FREM1: variants seen among roughly 807,000 people sequenced by gnomAD.
The protein encoded by FREM1 is FRAS1-related extracellular matrix protein 1.
FREM1 carries 220 observed loss-of-function variants against 210.1 expected under a neutral mutation model. That is an observed-to-expected ratio of 1.05 (90% CI 0.94 to 1.17). The LOEUF (loss-of-function observed/expected upper bound fraction) is 1.17, where lower values mean the gene tolerates loss of function less well. Among genes scored for constraint, FREM1 ranks in the 50% most tolerant of loss-of-function variants. The probability of loss-of-function intolerance (pLI) is 0.00; values close to 1 mark genes in which losing one functional copy is unlikely to be tolerated. For missense variants in FREM1, 3,454 were observed against 2,675.5 expected, an observed-to-expected ratio of 1.29 and a Z score of -6.42; for synonymous variants, 1,189 against 980.2, an observed-to-expected ratio of 1.21 and a Z score of -3.98.
chr9:14,859,086 A>T, intron 4 of FREM1, 97 bp downstream of exon 4: 1 of 784,786 alleles, frequency 1.3e-6, no homozygotes, highest in Non-Finnish European at 2.0e-6. Flanking sequence ...TAAAATGACT[A>T]GTTAACTAGA....
chr9:14,840,865 C>G (rs1031231240), intron 10 of FREM1, among the ~76,000 whole-genome samples: 1 of 152,214 alleles, frequency 6.6e-6, no homozygotes, highest in African/African-American at 2.4e-5. Flanking sequence ...CTGCATTCTA[C>G]ACATTTAAAT....
At chr9:14,763,666 ATGT>A (rs1248136822) in intron 27 of FREM1, among the ~76,000 whole-genome samples, 1 of 152,146 alleles carries the variant, frequency 6.6e-6, no homozygotes, top group African/African-American at 2.4e-5. Context: ...GGTAAAGGAA[ATGT>A]TGTTTAAACA....
chr9:14,871,780 G>A (rs1185744872), intron 1 of FREM1, among the ~76,000 whole-genome samples: 3 of 152,000 alleles, frequency 2.0e-5, no homozygotes, highest in East Asian at 1.9e-4. Flanking sequence ...CGGTTTTTAC[G>A]GTTTTTACGG....
Position 14,808,943 on chromosome 9 carries a change from C to T in FREM1, c.2894-809G>A, listed in dbSNP as rs146751954. Reference sequence around the variant, plus strand: ...TTGCACATGTGCTGTTGGTAATTCTCATGCATCACCATGAAAATCTCAAGA... The same window carrying T: ...TTGCACATGTGCTGTTGGTAATTCTTATGCATCACCATGAAAATCTCAAGA... On this transcript the variant is annotated intron_variant, in intron 16 of 36. Transcript: ENST00000380880. Among the ~76,000 whole-genome samples, 17 of 152,318 alleles carry T rather than the reference C, an allele frequency of 1.1e-4. No homozygotes were observed. The East Asian group carries it at 3.3e-3, about 29-fold the overall frequency.
chr9:14,744,960 C>T (rs10810232), intron 35 of FREM1, among the ~76,000 whole-genome samples: 1 of 152,080 alleles, frequency 6.6e-6, no homozygotes, highest in Non-Finnish European at 1.5e-5. Context: ...AGATTATGTC[C>T]TTTGCAGGGA....
chr9:14,805,192 AT>A (rs751319242), intron 18 of FREM1, 40 bp from the exon 19 acceptor site: 7 of 1,299,402 alleles, frequency 5.4e-6, no homozygotes, highest in Non-Finnish European at 7.2e-6. Context: ...TAAAAAAAAA[AT>A]TTTTCCAAGT....
chr9:14,846,370 G>A (rs769328609), intron 7 of FREM1, among the ~76,000 whole-genome samples: 9 of 152,142 alleles, frequency 5.9e-5, no homozygotes, highest in Non-Finnish European at 8.8e-5. Context: ...GGGGTAGAGG[G>A]GAAAGGGGAG....
At chr9:14,840,072 C>T (rs1026326352) in intron 10 of FREM1, among the ~76,000 whole-genome samples, 8 of 152,326 alleles carry the variant, frequency 5.3e-5, no homozygotes, top group Admixed American at 3.3e-4. Context: ...TTTCTGAGCT[C>T]TCTGGAATCA....
Position 14,806,654 on chromosome 9 carries a change from A to G in FREM1, c.3274+7T>C. Reference sequence around the variant, plus strand: ...GAGTCATTGCTGGTGACGAAGCTACAGCTTACCTATACTTATGCCAATATT... The same window carrying G: ...GAGTCATTGCTGGTGACGAAGCTACGGCTTACCTATACTTATGCCAATATT... On this transcript the variant is annotated splice_region_variant and intron_variant, in intron 18 of 36. Coordinates refer to ENST00000380880, the MANE Select transcript of FREM1 (RefSeq NM_001379081.2). 6.5e-7 allele frequency: 1 copy of G among 1,530,822 alleles called. No individual in the cohort carries two copies. Among genetic ancestry groups the G allele is most frequent in the South Asian group, 1.2e-5 (1 of 85,756 alleles). 94.8% of individuals were successfully genotyped at this position (1,530,822 alleles called of 1,614,324 possible).
intron 10 of FREM1, among the ~76,000 whole-genome samples, chr9:14,839,165 G>A (rs966602963): frequency 2.6e-5 from 4 of 152,178 alleles, no homozygotes; most frequent in Non-Finnish European, 5.9e-5. Context: ...ATGAAGGTTG[G>A]AGCTGAAGCA....
chr9:14,795,276 A>G (rs1275399367), intron 21 of FREM1, among the ~76,000 whole-genome samples: 1 of 152,180 alleles, frequency 6.6e-6, no homozygotes, highest in Non-Finnish European at 1.5e-5. Context: ...TATTGTCCTC[A>G]TTTACAGAGA....
At chr9:14,894,652 T>C (rs537294422) in intron 1 of FREM1, among the ~76,000 whole-genome samples, 19 of 152,228 alleles carry the variant, frequency 1.2e-4, no homozygotes, top group Non-Finnish European at 2.4e-4. Context: ...TGTTTTGTTT[T>C]TTTAGAACCA....
chr9:14,813,682 G>A (rs1315131814), intron 15 of FREM1, among the ~76,000 whole-genome samples: 1 of 152,064 alleles, frequency 6.6e-6, no homozygotes, highest in Non-Finnish European at 1.5e-5. Flanking sequence ...CAAGTAAAAA[G>A]GAAAGAAAAG....
chr9:14,855,945 C>T (rs934768719), intron 5 of FREM1, among the ~76,000 whole-genome samples: 1 of 151,426 alleles, frequency 6.6e-6, no homozygotes, highest in African/African-American at 2.4e-5. Flanking sequence ...AAACAGAAAA[C>T]ATCTATTAGT....
chr9:14,841,868 G>C (rs1825752181), intron 9 of FREM1, among the ~76,000 whole-genome samples: 1 of 152,078 alleles, frequency 6.6e-6, no homozygotes, highest in South Asian at 2.1e-4. Context: ...AATATACAAA[G>C]TAACACTAAC....
intron 29 of FREM1, among the ~76,000 whole-genome samples, chr9:14,755,642 T>C (rs895575625): frequency 3.3e-5 from 5 of 152,090 alleles, no homozygotes; most frequent in African/African-American, 1.2e-4. Context: ...TCCCCAAAGG[T>C]GTGTTGGTGC....
In FREM1 at chr9:14,816,828, A is replaced by C. The variant is rs1441697395; in HGVS notation, c.2590T>G (p.Leu864Val). The stretch of plus-strand genomic sequence containing the variant: ...GAATTTGTGCCATCGGTGACCTCCA[A>C]GAGTAGGTCATCCTGAAGAACTTCA... The part of the protein sequence containing the change: ...GTEVLQDDLL[L>V]EVTDGTNSAE... The change falls in exon 15 of 37, where the codon TTG (leucine) becomes GTG (valine). Residue 864 changes from leucine (L) to valine (V), a missense_variant. Physicochemically the swap from Leu to Val is conservative, Grantham distance 32. Transcript: ENST00000380880. The C allele has an allele frequency of 6.9e-7, 1 of 1,446,244 alleles. No individual in the cohort carries two copies. Among genetic ancestry groups the C allele is most frequent in the East Asian group, 2.4e-5 (1 of 41,840 alleles). The allele number at this position is 1,446,244 out of a possible 1,614,324, so 89.6% of individuals were successfully genotyped here.
intron 1 of FREM1, among the ~76,000 whole-genome samples, chr9:14,899,743 C>T (rs536168995): frequency 2.8e-4 from 42 of 152,242 alleles, no homozygotes; most frequent in African/African-American, 6.7e-4. Flanking sequence ...GAGGTAGAAA[C>T]GTATTTACTG....
intron 20 of FREM1, among the ~76,000 whole-genome samples, chr9:14,798,649 G>A (rs1852900295): frequency 6.6e-6 from 1 of 151,894 alleles, no homozygotes; most frequent in African/African-American, 2.4e-5. Flanking sequence ...ATTTTATAAG[G>A]TAATTATCAA....
Sources: allele counts gnomAD v4.1 joint callset (sites outside exome capture counted in the v4.1 genomes callset), GRCh38; gene constraint gnomAD v4.1.1; transcripts MANE v1.5; gene names NCBI Gene and HGNC (gene_info 2026-07-23, HGNC 2026-07-21).